The following MACROD2 variants were observed in gnomAD, a reference collection of about 807,000 sequenced individuals.
MACROD2 encodes the protein mono-ADP ribosylhydrolase 2, also known as ADP-ribose glycohydrolase MACROD2.
A neutral mutation model predicts 70.4 loss-of-function variants in MACROD2; 36 were observed. The observed-to-expected ratio is 0.51, with a 90% CI of 0.39 to 0.68. The LOEUF (loss-of-function observed/expected upper bound fraction) is 0.68. Among genes scored for constraint, MACROD2 ranks in the 30% least tolerant of loss-of-function variants. The probability of loss-of-function intolerance (pLI) is 0.00; values close to 1 mark genes in which losing one functional copy is unlikely to be tolerated. For missense variants in MACROD2, 496 were observed against 538.4 expected (o/e 0.92, Z 0.78); for synonymous variants, 172 against 178.8 (o/e 0.96, Z 0.30).
At chr20:15,317,422 T>G (rs1233871360) in intron 6 of MACROD2, among the ~76,000 whole-genome samples, 1 of 151,990 alleles carries the variant, frequency 6.6e-6, no homozygotes, top group South Asian at 2.1e-4. Context: ...GAAACATTAG[T>G]ATTAGTGTTC....
At chr20:14,925,632 TA>T (rs1212155546) in intron 5 of MACROD2, among the ~76,000 whole-genome samples, 6 of 152,218 alleles carry the variant, frequency 3.9e-5, no homozygotes, top group Non-Finnish European at 5.9e-5. Context: ...CTTGAGCTGT[TA>T]TATCCTCTAG....
At chr20:15,369,693 G>A (rs528825101) in intron 6 of MACROD2, among the ~76,000 whole-genome samples, 6 of 152,152 alleles carry the variant, frequency 3.9e-5, no homozygotes, top group African/African-American at 1.2e-4. Context: ...CAATATAAAC[G>A]GGACTTTTGC....
chr20:14,186,207 G>A (rs2081342709), intron 3 of MACROD2, among the ~76,000 whole-genome samples: 1 of 152,090 alleles, frequency 6.6e-6, no homozygotes, highest in Non-Finnish European at 1.5e-5. Context: ...ATTCCCTAGT[G>A]AACACAAATA....
chr20:14,899,615 G>T (rs184887952), intron 5 of MACROD2, among the ~76,000 whole-genome samples: 1 of 152,204 alleles, frequency 6.6e-6, no homozygotes, highest in East Asian at 1.9e-4. Flanking sequence ...TTGCCCTAAT[G>T]ACCTCTGTTA....
intron 6 of MACROD2, among the ~76,000 whole-genome samples, chr20:15,340,507 C>T (rs932691100): frequency 6.6e-6 from 1 of 152,104 alleles, no homozygotes; most frequent in Non-Finnish European, 1.5e-5. Context: ...TGATGATCAA[C>T]AGTACTCTGC....
chr20:14,888,926 G>A (rs1433387897), intron 5 of MACROD2, among the ~76,000 whole-genome samples: 1 of 152,034 alleles, frequency 6.6e-6, no homozygotes, highest in Non-Finnish European at 1.5e-5. Flanking sequence ...TCTTCATAGA[G>A]GGTTTTGCAT....
At chr20:14,375,444 G>A (rs1461367304) in intron 3 of MACROD2, among the ~76,000 whole-genome samples, 1 of 152,156 alleles carries the variant, frequency 6.6e-6, no homozygotes, top group Non-Finnish European at 1.5e-5. Context: ...TGTGTATTTT[G>A]TGCAGCTGTA....
chr20:15,520,224 T>C (rs1255560050), intron 8 of MACROD2, among the ~76,000 whole-genome samples: 1 of 152,250 alleles, frequency 6.6e-6, no homozygotes, highest in African/African-American at 2.4e-5. Context: ...GAAGCTTTTA[T>C]GTTTAAAATC....
intron 2 of MACROD2, among the ~76,000 whole-genome samples, chr20:14,070,481 A>T (rs1450671959): frequency 6.6e-6 from 1 of 152,102 alleles, no homozygotes; most frequent in Non-Finnish European, 1.5e-5. Context: ...CTCTTACCGA[A>T]CCCAAAATTA....
chr20:15,569,773 C>T (rs894486098), intron 8 of MACROD2, among the ~76,000 whole-genome samples: 2 of 152,200 alleles, frequency 1.3e-5, no homozygotes, highest in South Asian at 2.1e-4. Flanking sequence ...GCAACCGTGC[C>T]GACATACAGT....
At chr20:14,676,197 C>T (rs527941373) in intron 4 of MACROD2, among the ~76,000 whole-genome samples, 1 of 152,240 alleles carries the variant, frequency 6.6e-6, no homozygotes, top group East Asian at 1.9e-4. Context: ...ACCAAACGGA[C>T]CTAATAGACA....
intron 3 of MACROD2, among the ~76,000 whole-genome samples, chr20:14,094,477 T>A (rs2054195875): frequency 6.6e-6 from 1 of 152,118 alleles, no homozygotes; most frequent in South Asian, 2.1e-4. Context: ...CACCATAACC[T>A]CTTTTTCTTG....
At chr20:14,607,742 A>G (rs934717319) in intron 4 of MACROD2, among the ~76,000 whole-genome samples, 2 of 152,176 alleles carry the variant, frequency 1.3e-5, no homozygotes, top group Non-Finnish European at 2.9e-5. Context: ...GAGCCACTTT[A>G]TGAATCATAC....
At chr20:14,456,509 TAAAC>T (rs1042061526) in intron 3 of MACROD2, among the ~76,000 whole-genome samples, 8 of 151,916 alleles carry the variant, frequency 5.3e-5, no homozygotes, top group African/African-American at 1.7e-4. Context: ...TCAGCCCTCT[TAAAC>T]AAATATAACA....
chr20:15,718,252 G>C (rs1167575728), intron 8 of MACROD2, among the ~76,000 whole-genome samples: 2 of 151,952 alleles, frequency 1.3e-5, no homozygotes, highest in African/African-American at 4.8e-5. Context: ...GCCTCCCAAA[G>C]TGCTGGGATT....
intron 6 of MACROD2, among the ~76,000 whole-genome samples, chr20:15,268,979 C>G (rs756882408): frequency 2.0e-5 from 3 of 152,162 alleles, no homozygotes; most frequent in Non-Finnish European, 4.4e-5. Flanking sequence ...AAGAGGAATG[C>G]CATCTGAATT....
At chr20:14,088,273 T>C (rs1300733530) in intron 3 of MACROD2, among the ~76,000 whole-genome samples, 1 of 139,702 alleles carries the variant, frequency 7.2e-6, no homozygotes, top group African/African-American at 2.7e-5. Context: ...GAGGTTGCAG[T>C]GAGTCGAGAT....
At chr20:15,518,680 C>G (rs2047603294) in intron 8 of MACROD2, among the ~76,000 whole-genome samples, 1 of 152,126 alleles carries the variant, frequency 6.6e-6, no homozygotes, top group South Asian at 2.1e-4. Context: ...AAAGACACTC[C>G]CAAGTGTCCT....
At chr20:15,148,083 A>G in intron 5 of MACROD2, among the ~76,000 whole-genome samples, 1 of 151,888 alleles carries the variant, frequency 6.6e-6, no homozygotes. Context: ...AATAAAATGA[A>G]ATAGTGGTAA....
Sources: allele counts gnomAD v4.1 joint callset (sites outside exome capture counted in the v4.1 genomes callset), GRCh38; gene constraint gnomAD v4.1.1; transcripts MANE v1.5; gene names NCBI Gene and HGNC (gene_info 2026-07-23, HGNC 2026-07-21).